ANKRD30B: variants seen among roughly 807,000 people sequenced by gnomAD.
ANKRD30B encodes ankyrin repeat domain-containing protein 30B.
Under a neutral mutation model 202.2 loss-of-function variants are expected in ANKRD30B, and 144 were observed. The ratio of observed to expected loss-of-function variants is 0.71; its 90% CI spans 0.62 to 0.82. ANKRD30B has a LOEUF of 0.82. Ranked by LOEUF, ANKRD30B falls within the 40% of genes least tolerant of loss-of-function variation. The pLI is 0.00. For missense variants in ANKRD30B, 1,487 were observed against 1,669.1 expected (o/e 0.89, Z 1.90); for synonymous variants, 508 against 561.3 (o/e 0.91, Z 1.34).
At position 14,778,168 on chromosome 18, in the gene ANKRD30B, T is replaced by G. The variant is rs924308477; in HGVS notation, c.1420+93T>G. Reference sequence around the variant, plus strand: ...TACTCTGACAGCCAGAGAAAATTATTTTTTAAATGCATAACACGGAAGAAC... The same window carrying G: ...TACTCTGACAGCCAGAGAAAATTATGTTTTAAATGCATAACACGGAAGAAC... On this transcript the variant is annotated intron_variant, in intron 10 of 43. Coordinates refer to ENST00000690538, the MANE Select transcript of ANKRD30B (RefSeq NM_001367607.2). 4.9e-6 allele frequency: 4 copies of G among 817,124 alleles called. No individual in the cohort carries two copies. In the African/African-American group the frequency reaches 7.0e-5, roughly 14 times the overall value. The allele number at this position is 817,124 out of a possible 1,614,324, so 50.6% of individuals were successfully genotyped here. A position where few individuals can be genotyped will look rare whatever the true frequency, so the allele number is the denominator to read the frequency against.
At chr18:14,842,006 TA>T (rs565528076) in intron 37 of ANKRD30B, among the ~76,000 whole-genome samples, 2 of 152,204 alleles carry the variant, frequency 1.3e-5, no homozygotes, top group Non-Finnish European at 2.9e-5. Flanking sequence ...TGTTGTTCTA[TA>T]AAAATCTATT....
the ANKRD30B span, among the ~76,000 whole-genome samples, chr18:14,937,420 C>G: frequency 1.6e-5 from 2 of 124,174 alleles, no homozygotes; most frequent in African/African-American, 3.0e-5. Context: ...CAGCAGGTGC[C>G]GCCGGTTTGT....
intron 14 of ANKRD30B, 135 bp from the exon 15 acceptor site, chr18:14,786,902 CTG>C (rs1267853971): frequency 1.3e-6 from 1 of 771,338 alleles, no homozygotes. Flanking sequence ...GAAGTAGTCA[CTG>C]TAATCAACAA....
the ANKRD30B span, among the ~76,000 whole-genome samples, chr18:14,866,375 G>A: frequency 1.4e-4 from 21 of 152,252 alleles, no homozygotes; most frequent in African/African-American, 4.8e-4. Flanking sequence ...TGGTAGGAGG[G>A]GGGCTGGAGC....
At chr18:14,748,811 G>GC (rs1227006511) in intron 1 of ANKRD30B, among the ~76,000 whole-genome samples, 171 bp downstream of exon 1, 1 of 152,118 alleles carries the variant, frequency 6.6e-6, no homozygotes, top group Admixed American at 6.5e-5. Flanking sequence ...TCCCGGTCAG[G>GC]CCCCCCAGGC....
At position 14,770,345 on chromosome 18, in the gene ANKRD30B, G is replaced by C. The variant is rs540872399; in HGVS notation, c.1256+972G>C. 2.7e-3 allele frequency among the ~76,000 whole-genome samples: 413 copies of C among 152,270 alleles called. 1 individual carries two copies. Among genetic ancestry groups the C allele is most frequent in the Non-Finnish European group, 5.2e-3 (354 of 68,018 alleles). ...AATATCCTGGAAAAATGGTTGTTCA[G>C]ATGGAGAGTCTGAAACTCAAAGTGA... On this transcript the variant is annotated intron_variant, in intron 8 of 43. Transcript: ENST00000690538.
chr18:14,871,688 T>C, the ANKRD30B span, among the ~76,000 whole-genome samples: 1 of 151,554 alleles, frequency 6.6e-6, no homozygotes, highest in Non-Finnish European at 1.5e-5. Context: ...AGGCCAGGAG[T>C]TTGAGACCAG....
intron 14 of ANKRD30B, 55 bp downstream of exon 14, chr18:14,784,590 G>C: frequency 6.5e-7 from 1 of 1,535,000 alleles, no homozygotes; most frequent in Non-Finnish European, 8.9e-7. Context: ...TGGACATTTT[G>C]ATAGTCTTTC....
chr18:14,889,389 T>C, the ANKRD30B span, among the ~76,000 whole-genome samples: 3 of 152,298 alleles, frequency 2.0e-5, no homozygotes, highest in African/African-American at 7.2e-5. Flanking sequence ...CATGCAACCA[T>C]TTGTTCATTC....
At chr18:14,790,064 A>G (rs1357151806) in intron 15 of ANKRD30B, among the ~76,000 whole-genome samples, 2 of 151,942 alleles carry the variant, frequency 1.3e-5, no homozygotes, top group Admixed American at 1.3e-4. Context: ...CTTTTATTTC[A>G]TTGAGCAGTG....
chr18:14,866,191 G>A, the ANKRD30B span, among the ~76,000 whole-genome samples: 1 of 152,276 alleles, frequency 6.6e-6, no homozygotes, highest in Non-Finnish European at 1.5e-5. Flanking sequence ...AGGCTCTCCA[G>A]TATCTCCAGC....
chr18:14,858,680 C>T (rs1262699842), downstream of ANKRD30B, among the ~76,000 whole-genome samples: 1 of 145,830 alleles, frequency 6.9e-6, no homozygotes, highest in Non-Finnish European at 1.5e-5. Context: ...CCTCACATCC[C>T]AGACGATGGG....
intron 24 of ANKRD30B, chr18:14,808,286 C>T (rs535730602): frequency 2.2e-6 from 1 of 453,310 alleles, no homozygotes; most frequent in African/African-American, 2.0e-5. Context: ...GATTTTTCTA[C>T]TTTAGTTATT....
intron 34 of ANKRD30B, among the ~76,000 whole-genome samples, chr18:14,836,711 A>T (rs911764878): frequency 2.6e-5 from 4 of 151,676 alleles, no homozygotes; most frequent in African/African-American, 7.3e-5. Flanking sequence ...TATCTCTTTA[A>T]CTCATTTGCT....
Position 14,796,254 on chromosome 18 carries a change from T to C in ANKRD30B, c.1854+5T>C, listed in dbSNP as rs746025116. 2.5e-5 allele frequency: 40 copies of C among 1,605,904 alleles called. 1 individual carries two copies. The highest frequency in any genetic ancestry group is 3.2e-5 in the Non-Finnish European group (38 of 1,172,946). ...GTTAAAGATGGTCTTCTGAAGGTAA[T>C]AACTTTTATATTGCTATCTTGAATA... On this transcript the variant is annotated splice_donor_5th_base_variant and intron_variant, in intron 17 of 43. Transcript: ENST00000690538.
At position 14,851,979 on chromosome 18, in the gene ANKRD30B, T is replaced by TGA; in HGVS notation, c.4037_4038dup (p.Val1347ArgfsTer28). 6.2e-7 allele frequency: 1 copy of TGA among 1,600,456 alleles called. No homozygotes were observed. ...ATGTGAGTAATACAATATATAACAA[T>TGA]GAGGTGCTCCATCAACCACTTTATG... On this transcript the variant is annotated frameshift_variant, in exon 42 of 44. Transcript: ENST00000690538. LOFTEE classifies it high-confidence loss of function.
chr18:14,797,962 A>G (rs1368865104), intron 20 of ANKRD30B, 108 bp downstream of exon 20: 1 of 1,065,822 alleles, frequency 9.4e-7, no homozygotes, highest in African/African-American at 1.6e-5. Flanking sequence ...ATTTGATGGG[A>G]AAATTTGATA....
At chr18:14,898,907 G>A in the ANKRD30B span, among the ~76,000 whole-genome samples, 1 of 152,092 alleles carries the variant, frequency 6.6e-6, no homozygotes, top group Non-Finnish European at 1.5e-5. Flanking sequence ...TTCTCATACA[G>A]TATGAATTCC....
Position 14,748,478 on chromosome 18 carries a change from C to T in ANKRD30B, c.59C>T (p.Pro20Leu), listed in dbSNP as rs1280348196. 6.5e-7 allele frequency: 1 copy of T among 1,546,952 alleles called. No homozygotes were observed. Among genetic ancestry groups the T allele is most frequent in the Non-Finnish European group, 8.7e-7 (1 of 1,144,334 alleles). ...KGVRGPEPPN[P>L]FSERVYTEKD... ...GTGCGGGGCCCGGAGCCCCCGAACC[C>T]CTTCAGCGAACGGGTCTACACTGAG... Residue 20 changes from proline to leucine, a missense_variant, in exon 1 of 44, where the codon CCC becomes CTC. Around this residue, in one of 6 missense-constraint regions of ANKRD30B, gnomAD observed 889 missense variants for 841.4 expected, o/e 1.06. Coordinates refer to ENST00000690538, the MANE Select transcript of ANKRD30B (RefSeq NM_001367607.2).
Sources: gnomAD v4.1 joint callset for allele counts (sites outside exome capture counted in the v4.1 genomes callset) on GRCh38, gnomAD v4.1.1 for gene constraint, gnomAD v4.1.1 regional missense constraint, MANE v1.5 for transcripts, NCBI Gene and HGNC (gene_info 2026-07-23, HGNC 2026-07-21) for gene names.